STXBP5L: variants seen among roughly 807,000 people sequenced by gnomAD.
STXBP5L encodes the protein syntaxin-binding protein 5-like.
Under a neutral mutation model 144.5 loss-of-function variants are expected in STXBP5L, and 65 were observed. The observed-to-expected ratio is 0.45, with a 90% CI of 0.37 to 0.55. The LOEUF is 0.55. STXBP5L is among the 20% of genes least tolerant of loss of function. STXBP5L has a pLI of 0.00. For synonymous variants in STXBP5L, 505 were observed against 469.6 expected (o/e 1.08, Z -0.97); for missense variants, 1,298 against 1,405.5 (o/e 0.92, Z 1.22).
chr3:121,371,724 C>G (rs1314565655), intron 20 of STXBP5L, among the ~76,000 whole-genome samples: 2 of 152,132 alleles, frequency 1.3e-5, no homozygotes, highest in African/African-American at 4.8e-5. Context: ...CTGTGTGTGC[C>G]CTCTGTGCAT....
In STXBP5L at chr3:121,415,716, G is replaced by T. The variant is rs77830113; in HGVS notation, c.3115-141G>T. On this transcript the variant is annotated intron_variant, in intron 24 of 26. Transcript: ENST00000471454. ...AGAAATGCCAGAGGGAGAACTGTGAGCACAGCAAAAATCACCATGAAAATA... is the reference window on the plus strand; with the variant it reads ...AGAAATGCCAGAGGGAGAACTGTGATCACAGCAAAAATCACCATGAAAATA... 1,909 of 497,550 alleles carry T rather than the reference G, an allele frequency of 3.8e-3. 25 individuals are homozygous for T. The highest frequency in any genetic ancestry group is 0.034 in the African/African-American group (1,728 of 50,818). The allele number at this position is 497,550 out of a possible 1,614,324, so 30.8% of individuals were successfully genotyped here.
intron 5 of STXBP5L, among the ~76,000 whole-genome samples, chr3:121,093,104 G>C (rs1364793616): frequency 6.6e-6 from 1 of 152,206 alleles, no homozygotes; most frequent in Admixed American, 6.5e-5. Context: ...AACCAGCCTT[G>C]CATCCCAGGG....
intron 3 of STXBP5L, among the ~76,000 whole-genome samples, chr3:121,013,615 G>A (rs959719526): frequency 4.6e-5 from 7 of 151,900 alleles, no homozygotes; most frequent in African/African-American, 1.7e-4. Context: ...CCATTCTGTA[G>A]GTCATTTGTT....
intron 1 of STXBP5L, among the ~76,000 whole-genome samples, 183 bp from the exon 2 acceptor site, chr3:120,909,387 GA>G (rs1708706208): frequency 6.6e-6 from 1 of 152,072 alleles, no homozygotes; most frequent in African/African-American, 2.4e-5. Context: ...TTTTAAAAAG[GA>G]TATGCTTTTT....
chr3:120,999,560 G>A (rs189983317), intron 3 of STXBP5L, among the ~76,000 whole-genome samples: 64 of 151,706 alleles, frequency 4.2e-4, no homozygotes, highest in African/African-American at 1.4e-3. Flanking sequence ...GAGTCATTTA[G>A]CCCATTTATG....
chr3:121,293,433 C>T (rs571383566), intron 19 of STXBP5L, among the ~76,000 whole-genome samples: 9 of 149,606 alleles, frequency 6.0e-5, no homozygotes, highest in Non-Finnish European at 1.2e-4. Flanking sequence ...TGGATGTATA[C>T]GTATGTCAAA....
chr3:121,130,972 T>A (rs2044959278), intron 7 of STXBP5L, among the ~76,000 whole-genome samples: 1 of 151,898 alleles, frequency 6.6e-6, no homozygotes, highest in South Asian at 2.1e-4. Context: ...AAATCTAATA[T>A]GAAACACAGA....
chr3:121,350,179 A>G (rs530284769), intron 20 of STXBP5L, among the ~76,000 whole-genome samples: 1 of 152,192 alleles, frequency 6.6e-6, no homozygotes, highest in East Asian at 1.9e-4. Flanking sequence ...CTCAGCATTT[A>G]CTTGTCTGTA....
At chr3:121,408,532 A>T (rs1306528067) in intron 23 of STXBP5L, among the ~76,000 whole-genome samples, 4 of 151,970 alleles carry the variant, frequency 2.6e-5, no homozygotes, top group African/African-American at 9.7e-5. Flanking sequence ...CTAGCCACAA[A>T]CTAAGTTCCC....
chr3:121,010,028 C>A (rs536308083), intron 3 of STXBP5L, among the ~76,000 whole-genome samples: 2 of 151,990 alleles, frequency 1.3e-5, no homozygotes, highest in East Asian at 3.9e-4. Context: ...TCTGATATTA[C>A]AAGTGTGATT....
chr3:121,070,259 T>C (rs541126708), intron 5 of STXBP5L, among the ~76,000 whole-genome samples: 15 of 152,350 alleles, frequency 9.8e-5, no homozygotes, highest in African/African-American at 2.9e-4. Context: ...TTACGACATT[T>C]CTTACATCTT....
At chr3:121,082,591 A>AT (rs2042303486) in intron 5 of STXBP5L, among the ~76,000 whole-genome samples, 1 of 152,152 alleles carries the variant, frequency 6.6e-6, no homozygotes, top group Admixed American at 6.5e-5. Context: ...ATTCTTGGTA[A>AT]TTTTATCTCT....
rs925356661 is a variant in STXBP5L at position 121,260,263 on chromosome 3, G to A, written c.1958+1095G>A. 2.0e-5 allele frequency among the ~76,000 whole-genome samples: 3 copies of A among 152,050 alleles called. No individual in the cohort carries two copies. The East Asian group carries it at 5.8e-4, about 29-fold the overall frequency. ...TATTCTTTGTCCATTTGTCTGTAAAGTTGTTGGCCTTCATAGAGATTTGTG... is the reference window on the plus strand; with the variant it reads ...TATTCTTTGTCCATTTGTCTGTAAAATTGTTGGCCTTCATAGAGATTTGTG... On this transcript the variant is annotated intron_variant, in intron 18 of 26. Coordinates refer to ENST00000471454, the MANE Select transcript of STXBP5L (RefSeq NM_001308330.2).
chr3:121,400,242 G>A (rs2046839150), intron 22 of STXBP5L, among the ~76,000 whole-genome samples: 1 of 152,212 alleles, frequency 6.6e-6, no homozygotes, highest in African/African-American at 2.4e-5. Flanking sequence ...CCCAGGCGAT[G>A]ACTTAGTTTG....
intron 5 of STXBP5L, among the ~76,000 whole-genome samples, chr3:121,063,356 T>C (rs2041378398): frequency 6.6e-6 from 1 of 152,228 alleles, no homozygotes; most frequent in Non-Finnish European, 1.5e-5. Context: ...GCTGCCTGTT[T>C]CTTTTTCTGT....
At chr3:121,094,919 C>G (rs1321403988) in intron 5 of STXBP5L, among the ~76,000 whole-genome samples, 1 of 152,030 alleles carries the variant, frequency 6.6e-6, no homozygotes, top group African/African-American at 2.4e-5. Context: ...ACTGGTTGTT[C>G]CTCTCCATGT....
chr3:121,416,796 C>T (rs2047250183), intron 25 of STXBP5L, among the ~76,000 whole-genome samples: 1 of 151,972 alleles, frequency 6.6e-6, no homozygotes, highest in South Asian at 2.1e-4. Context: ...TGAGCCACCA[C>T]ACCCAGCCTC....
At chr3:120,996,411 G>A (rs1238293155) in intron 3 of STXBP5L, among the ~76,000 whole-genome samples, 1 of 151,968 alleles carries the variant, frequency 6.6e-6, no homozygotes, top group Non-Finnish European at 1.5e-5. Flanking sequence ...CTATAGTCAA[G>A]TCAATTAACA....
Position 121,114,986 on chromosome 3 carries a change from A to G in STXBP5L, c.532A>G (p.Asn178Asp). 1 of 1,602,792 alleles carries G rather than the reference A, an allele frequency of 6.2e-7. No individual in the cohort carries two copies. The highest frequency in any genetic ancestry group is 8.5e-7 in the Non-Finnish European group (1 of 1,175,690). The change falls in exon 6 of 27, where the codon AAT (asparagine) becomes GAT (aspartate). Residue 178 changes from asparagine (N) to aspartate (D), a missense_variant. By Grantham distance (23) the Asn-to-Asp change is conservative. Coordinates refer to ENST00000471454, the MANE Select transcript of STXBP5L (RefSeq NM_001308330.2). ...GCTTTATGTTGGAACAGAAAGAGGAAATACACATATTGTAAATATTGAATC... is the reference window on the plus strand; with the variant it reads ...GCTTTATGTTGGAACAGAAAGAGGAGATACACATATTGTAAATATTGAATC... ...KWLYVGTERG[N>D]THIVNIESFI...
Sources: gnomAD v4.1 joint callset for allele counts (sites outside exome capture counted in the v4.1 genomes callset) on GRCh38, gnomAD v4.1.1 for gene constraint, MANE v1.5 for transcripts, NCBI Gene and HGNC (gene_info 2026-07-23, HGNC 2026-07-21) for gene names.